Variants in DISC1 observed in about 807,000 individuals in gnomAD.
DISC1 encodes DISC1 scaffold protein.
DISC1 carries 57 observed loss-of-function variants against 84.5 expected under a neutral mutation model. That is an observed-to-expected ratio of 0.67 (90% CI 0.55 to 0.84). The LOEUF (loss-of-function observed/expected upper bound fraction) is 0.84, where lower values mean the gene tolerates loss of function less well. Ranked by LOEUF, DISC1 falls within the 40% of genes least tolerant of loss-of-function variation. The pLI, the probability that DISC1 is intolerant of heterozygous loss-of-function variation, is 0.00. For missense variants in DISC1, 1,000 were observed against 1,057.8 expected, an observed-to-expected ratio of 0.95 and a Z score of 0.76; for synonymous variants, 411 against 415.2, an observed-to-expected ratio of 0.99 and a Z score of 0.12.
At chr1:232,034,638 T>C (rs1670349172) in intron 12 of DISC1, among the ~76,000 whole-genome samples, 1 of 152,210 alleles carries the variant, frequency 6.6e-6, no homozygotes, top group South Asian at 2.1e-4. Flanking sequence ...AAAACCTTTG[T>C]CATCATTTAG....
chr1:231,696,515 ATTG>A (rs2065726985), intron 2 of DISC1, among the ~76,000 whole-genome samples: 1 of 152,298 alleles, frequency 6.6e-6, no homozygotes, highest in East Asian at 1.9e-4. Flanking sequence ...TAGTGTAAGT[ATTG>A]TTGTCTATGG....
intron 9 of DISC1, chr1:231,866,421 TA>T (rs1423531480): frequency 8.2e-5 from 56 of 684,392 alleles, no homozygotes; most frequent in Admixed American, 1.1e-4. Flanking sequence ...TTTGATTTAT[TA>T]AAAAAAATAA....
chr1:232,009,690 C>A lies in DISC1; in HGVS notation c.2307+641C>A. The A allele has an allele frequency of 1.3e-6, 1 of 742,126 alleles. No individual in the cohort carries two copies. The highest frequency in any genetic ancestry group is 1.6e-6 in the Non-Finnish European group (1 of 608,160). The allele number at this position is 742,126 out of a possible 1,614,324, so 46.0% of individuals were successfully genotyped here. A position where few individuals can be genotyped will look rare whatever the true frequency, so the allele number is the denominator to read the frequency against. The stretch of plus-strand genomic sequence containing the variant: ...CTCTCCCCTCTTTCCTCTCTCCCTT[C>A]CCCTTCCACTCCTCACTTTCCTCCT... On this transcript the variant is annotated intron_variant, in intron 11 of 12. Transcript: ENST00000439617. The surrounding 1 kb of genome is among the most constrained non-coding windows in gnomAD (Gnocchi z 4.6).
At chr1:232,021,577 A>G (rs1007859758) in intron 11 of DISC1, among the ~76,000 whole-genome samples, 1 of 152,172 alleles carries the variant, frequency 6.6e-6, no homozygotes, top group Non-Finnish European at 1.5e-5. Flanking sequence ...GTGAGCTTCA[A>G]AAATCTAGTC....
At chr1:231,755,007 A>G (rs1275652023) in intron 4 of DISC1, among the ~76,000 whole-genome samples, 2 of 152,200 alleles carry the variant, frequency 1.3e-5, no homozygotes, top group South Asian at 2.1e-4. Context: ...AAAGTCAGCA[A>G]TGACTTTCTA....
At chr1:231,785,482 C>T (rs936856737) in intron 6 of DISC1, among the ~76,000 whole-genome samples, 4 of 151,500 alleles carry the variant, frequency 2.6e-5, no homozygotes, top group Admixed American at 6.6e-5. Context: ...TTGGTAGAGA[C>T]GGGTTTTCAC....
chr1:231,648,542 G>C (rs563845920), intron 1 of DISC1, among the ~76,000 whole-genome samples: 12 of 152,142 alleles, frequency 7.9e-5, no homozygotes, highest in African/African-American at 2.7e-4. Flanking sequence ...TCTCTGCCAG[G>C]CTTTGGTATC....
intron 8 of DISC1, among the ~76,000 whole-genome samples, chr1:231,814,524 ATCT>A (rs759579811): frequency 8.5e-5 from 13 of 152,170 alleles, no homozygotes; most frequent in African/African-American, 2.4e-4. Flanking sequence ...TTTCCTTGGC[ATCT>A]TCTTCTTCAT....
intron 9 of DISC1, among the ~76,000 whole-genome samples, chr1:231,944,466 A>G (rs1426364257): frequency 1.3e-5 from 2 of 152,176 alleles, no homozygotes; most frequent in Admixed American, 1.3e-4. Flanking sequence ...TTGGCTTCAG[A>G]GCTCCCTGTG....
At chr1:231,631,647 T>G (rs2058718721) in intron 1 of DISC1, among the ~76,000 whole-genome samples, 1 of 152,062 alleles carries the variant, frequency 6.6e-6, no homozygotes, top group Non-Finnish European at 1.5e-5. Flanking sequence ...AATAGGAGCT[T>G]ATAGGATAAT....
intron 3 of DISC1, chr1:231,723,562 C>T (rs754074075): frequency 1.6e-4 from 159 of 985,352 alleles, no homozygotes; most frequent in Non-Finnish European, 1.9e-4. Context: ...TATCAGACTT[C>T]TCTGATGGCC....
chr1:231,794,260 T>C (rs79980099), intron 6 of DISC1, among the ~76,000 whole-genome samples: 10 of 133,460 alleles, frequency 7.5e-5, no homozygotes, highest in Non-Finnish European at 1.3e-4. Flanking sequence ...TTTTTTTTTT[T>C]CCCTTTGAGG....
At chr1:231,961,698 A>G (rs1036906253) in intron 10 of DISC1, among the ~76,000 whole-genome samples, 7 of 152,204 alleles carry the variant, frequency 4.6e-5, no homozygotes, top group Non-Finnish European at 1.0e-4. Context: ...ATGTTTCTGC[A>G]AAGGACATGA....
chr1:231,779,931 G>A (rs763217956), intron 6 of DISC1, among the ~76,000 whole-genome samples: 9 of 152,028 alleles, frequency 5.9e-5, no homozygotes, highest in East Asian at 1.9e-4. Flanking sequence ...GGCTTCTGCC[G>A]GAGGCTATGC....
intron 9 of DISC1, among the ~76,000 whole-genome samples, chr1:231,939,060 C>A (rs909178702): frequency 6.6e-6 from 1 of 152,184 alleles, no homozygotes; most frequent in Non-Finnish European, 1.5e-5. Context: ...TACACGTAAT[C>A]GTCCTTTATG....
At chr1:231,931,389 G>T (rs571364041) in intron 9 of DISC1, among the ~76,000 whole-genome samples, 19 of 152,310 alleles carry the variant, frequency 1.2e-4, no homozygotes, top group African/African-American at 4.1e-4. Context: ...GCATGCCCAT[G>T]TACCGGGAGA....
At chr1:231,774,092 A>G (rs73119105) in intron 6 of DISC1, among the ~76,000 whole-genome samples, 31,919 of 151,842 alleles carry the variant, frequency 0.21, 4,347 homozygotes, top group East Asian at 0.63. Context: ...TAAAAAAATA[A>G]AAATAAAAAA....
intron 10 of DISC1, among the ~76,000 whole-genome samples, chr1:231,997,285 A>G (rs1397919259): frequency 2.0e-5 from 3 of 152,220 alleles, no homozygotes; most frequent in Non-Finnish European, 4.4e-5. Flanking sequence ...AATTATTTAC[A>G]GAAGCAGCAA....
In DISC1 at chr1:231,818,380, C is replaced by T. The variant is rs370202687; in HGVS notation, c.1844C>T (p.Thr615Ile). Residue 615 changes from threonine to isoleucine, a missense_variant, in exon 9 of 13, where the codon ACA becomes ATA. Around this residue, in one of 3 missense-constraint regions of DISC1, gnomAD observed 397 missense variants for 377.5 expected, o/e 1.05. Transcript: ENST00000439617. The part of the protein sequence containing the change: ...KDLTEEIRSL[T>I]SEREGLEGLL... ...CTCACCGAGGAGATTAGATCATTAA[C>T]ATCAGAGAGAGAAGGGCTGGAGGGA... 1.5e-5 allele frequency: 25 copies of T among 1,614,078 alleles called. No individual in the cohort carries two copies. The highest frequency in any genetic ancestry group is 1.2e-4 in the African/African-American group (9 of 75,030).
Sources: gnomAD v4.1 joint callset for allele counts (sites outside exome capture counted in the v4.1 genomes callset) on GRCh38, gnomAD v4.1.1 for gene constraint, gnomAD v4.1.1 regional missense constraint, Gnocchi (gnomAD v3.1) non-coding constraint, MANE v1.5 for transcripts, NCBI Gene and HGNC (gene_info 2026-07-23, HGNC 2026-07-21) for gene names.